The following RCAN1 variants were observed in gnomAD, a reference collection of about 807,000 sequenced individuals.
RCAN1 encodes the protein calcipressin-1.
Under a neutral mutation model 22.9 loss-of-function variants are expected in RCAN1, and 11 were observed. The ratio of observed to expected loss-of-function variants is 0.48; its 90% CI spans 0.30 to 0.79. RCAN1 has a LOEUF of 0.79. RCAN1 is among the 30% of genes least tolerant of loss of function. The probability of loss-of-function intolerance (pLI) is 0.06; values close to 1 mark genes in which losing one functional copy is unlikely to be tolerated. For missense variants in RCAN1, 291 were observed against 337.8 expected (o/e 0.86, Z 1.09); for synonymous variants, 136 against 142.3 (o/e 0.96, Z 0.32).
At chr21:34,599,479 A>G (rs1034137722) in intron 1 of RCAN1, among the ~76,000 whole-genome samples, 27 of 152,234 alleles carry the variant, frequency 1.8e-4, no homozygotes, top group Admixed American at 1.6e-3. Context: ...TTCAGAAAAA[A>G]GAAATACATT....
At chr21:34,571,546 G>A (rs1478801247) in intron 1 of RCAN1, among the ~76,000 whole-genome samples, 2 of 152,198 alleles carry the variant, frequency 1.3e-5, no homozygotes, top group African/African-American at 4.8e-5. Flanking sequence ...AATTAGAACT[G>A]TACACAGAAT....
chr21:34,602,658 T>G (rs1988392841), intron 1 of RCAN1, among the ~76,000 whole-genome samples: 2 of 152,148 alleles, frequency 1.3e-5, no homozygotes, highest in South Asian at 4.1e-4. Flanking sequence ...CAGAACACTG[T>G]CACTACTTGA....
chr21:34,593,070 T>C (rs996263787), intron 1 of RCAN1, among the ~76,000 whole-genome samples: 1 of 152,210 alleles, frequency 6.6e-6, no homozygotes, highest in East Asian at 1.9e-4. Flanking sequence ...CTGACATGAG[T>C]TAAATCCTTC....
At chr21:34,522,855 T>G (rs1460930100) in intron 2 of RCAN1, 1 of 152,142 alleles carries the variant, frequency 6.6e-6, no homozygotes, top group African/African-American at 2.4e-5. Flanking sequence ...CAAATGGAAC[T>G]CTGGGAGCTG....
chr21:34,562,018 T>C (rs1986810011), intron 1 of RCAN1, among the ~76,000 whole-genome samples: 1 of 152,214 alleles, frequency 6.6e-6, no homozygotes, highest in Admixed American at 6.5e-5. Flanking sequence ...CTCAATTACA[T>C]TTCCTTCCAT....
chr21:34,562,798 T>C (rs1001642238), intron 1 of RCAN1, among the ~76,000 whole-genome samples: 3 of 152,274 alleles, frequency 2.0e-5, no homozygotes, highest in South Asian at 4.2e-4. Flanking sequence ...GTGATGAAGA[T>C]TCAATGAGAT....
At chr21:34,550,675 T>TCATGGCAGCCCAAGCAGACTAA (rs1986331879) in intron 1 of RCAN1, among the ~76,000 whole-genome samples, 2 of 152,184 alleles carry the variant, frequency 1.3e-5, no homozygotes, top group South Asian at 4.1e-4. Flanking sequence ...GTAGTATTCA[T>TCATGGCAGCCCAAGCAGACTAA]CATGGCAGCC....
intron 1 of RCAN1, among the ~76,000 whole-genome samples, chr21:34,557,802 G>A (rs73900520): frequency 0.014 from 2,172 of 152,214 alleles, 57 homozygotes; most frequent in African/African-American, 0.049. Flanking sequence ...AAATAGCAGC[G>A]ATCCGAAATT....
intron 1 of RCAN1, among the ~76,000 whole-genome samples, chr21:34,533,269 C>T (rs370636714): frequency 2.0e-5 from 3 of 152,330 alleles, no homozygotes; most frequent in African/African-American, 7.2e-5. Flanking sequence ...CCAAAATATA[C>T]TTAAATAGGA....
At chr21:34,593,801 G>T (rs780763277) in intron 1 of RCAN1, among the ~76,000 whole-genome samples, 2 of 152,192 alleles carry the variant, frequency 1.3e-5, no homozygotes, top group Non-Finnish European at 2.9e-5. Flanking sequence ...TCTGGAAAAT[G>T]GAACCAGGTA....
At chr21:34,550,185 G>T (rs1328170691) in intron 1 of RCAN1, among the ~76,000 whole-genome samples, 6 of 152,056 alleles carry the variant, frequency 3.9e-5, no homozygotes, top group Non-Finnish European at 7.4e-5. Flanking sequence ...TTACTTCCAC[G>T]ACAAAACAGC....
chr21:34,528,284 A>G (rs1394394069), intron 1 of RCAN1, among the ~76,000 whole-genome samples: 1 of 152,242 alleles, frequency 6.6e-6, no homozygotes, highest in Admixed American at 6.5e-5. Context: ...AAAAAAGGAA[A>G]AGCAAAGTCC....
chr21:34,543,086 G>T (rs977028429), intron 1 of RCAN1, among the ~76,000 whole-genome samples: 1 of 152,222 alleles, frequency 6.6e-6, no homozygotes, highest in Admixed American at 6.5e-5. Flanking sequence ...CTACATTGAG[G>T]CTTGGTGCAT....
At chr21:34,588,497 C>T (rs999683962) in intron 1 of RCAN1, among the ~76,000 whole-genome samples, 15 of 152,184 alleles carry the variant, frequency 9.9e-5, no homozygotes, top group African/African-American at 3.1e-4. Context: ...TACCTCATAG[C>T]CATTAGGATG....
chr21:34,569,954 G>A lies in RCAN1; in HGVS notation c.252+44806C>T, dbSNP rs183935582. ...AAGGGGCTTCGGGTGGGGTTTGGTA[G>A]AGGCAAAGGGGCTGGAGGAAGGGAG... On this transcript the variant is annotated intron_variant, in intron 1 of 3. Coordinates refer to ENST00000313806, the MANE Select transcript of RCAN1 (RefSeq NM_004414.7). 3.3e-4 allele frequency among the ~76,000 whole-genome samples: 51 copies of A among 152,360 alleles called. No individual in the cohort carries two copies. In the East Asian group the frequency reaches 9.1e-3, roughly 27 times the overall value.
intron 1 of RCAN1, among the ~76,000 whole-genome samples, chr21:34,550,466 T>C (rs1177711013): frequency 6.6e-6 from 1 of 152,178 alleles, no homozygotes; most frequent in Non-Finnish European, 1.5e-5. Flanking sequence ...CAATCCAATC[T>C]GCTGGGTGTC....
At chr21:34,584,519 TACTG>T (rs1987725278) in intron 1 of RCAN1, among the ~76,000 whole-genome samples, 1 of 152,242 alleles carries the variant, frequency 6.6e-6, no homozygotes, top group African/African-American at 2.4e-5. Context: ...GGTTTTCTCT[TACTG>T]ACCACTCTTC....
At chr21:34,563,002 G>A (rs1210989275) in intron 1 of RCAN1, among the ~76,000 whole-genome samples, 1 of 152,084 alleles carries the variant, frequency 6.6e-6, no homozygotes, top group African/African-American at 2.4e-5. Flanking sequence ...CACAGAACAG[G>A]GACTCTTCCA....
chr21:34,535,491 C>G (rs1985628661), intron 1 of RCAN1, among the ~76,000 whole-genome samples: 1 of 150,126 alleles, frequency 6.7e-6, no homozygotes, highest in Admixed American at 6.6e-5. Flanking sequence ...CAGAGAATGA[C>G]AACTAAGAAT....
Sources: gnomAD v4.1 joint callset for allele counts (sites outside exome capture counted in the v4.1 genomes callset) on GRCh38, gnomAD v4.1.1 for gene constraint, MANE v1.5 for transcripts, NCBI Gene and HGNC (gene_info 2026-07-23, HGNC 2026-07-21) for gene names.